Variants in RALGAPA1 observed in about 807,000 individuals in gnomAD.
RALGAPA1 encodes Ral GTPase activating protein catalytic subunit alpha 1.
A neutral mutation model predicts 269.6 loss-of-function variants in RALGAPA1; 52 were observed. The ratio of observed to expected loss-of-function variants is 0.19; its 90% CI spans 0.15 to 0.24. The LOEUF is 0.24. Among genes scored for constraint, RALGAPA1 ranks in the 10% least tolerant of loss-of-function variants. The probability of loss-of-function intolerance (pLI) is 1.00; values close to 1 mark genes in which losing one functional copy is unlikely to be tolerated. For missense variants in RALGAPA1, 1,917 were observed against 3,013.9 expected (o/e 0.64, Z 8.52); for synonymous variants, 817 against 1,008.3 (o/e 0.81, Z 3.60).
In RALGAPA1 at chr14:35,750,632, G is replaced by A. The variant is rs949882766; in HGVS notation, c.861C>T (p.Thr287=). ...HYVVIKKDAE[T]NEAIYCTKEP... is the part of the protein sequence containing the mutation. Reference sequence around the variant, plus strand: ...CCTTTGTACAATAGATTGCTTCATTGGTTTCAGCATCTTTCTTTATCACGA... The same window carrying A: ...CCTTTGTACAATAGATTGCTTCATTAGTTTCAGCATCTTTCTTTATCACGA... Residue 287 remains threonine (T), a synonymous_variant, in exon 9 of 42, where the codon ACC becomes ACT. Coordinates refer to ENST00000680220, the MANE Select transcript of RALGAPA1 (RefSeq NM_001346249.2). 5.0e-6 allele frequency: 8 copies of A among 1,613,136 alleles called. No homozygotes were observed. Among genetic ancestry groups the A allele is most frequent in the Non-Finnish European group, 6.8e-6 (8 of 1,179,530 alleles).
At chr14:35,586,358 A>G (rs1024058808) in intron 37 of RALGAPA1, among the ~76,000 whole-genome samples, 2 of 152,176 alleles carry the variant, frequency 1.3e-5, no homozygotes, top group African/African-American at 4.8e-5. Context: ...GGCTGAGACA[A>G]TGGGGTTTTC....
chr14:35,719,956 G>A (rs2069231779), intron 16 of RALGAPA1, among the ~76,000 whole-genome samples: 1 of 152,130 alleles, frequency 6.6e-6, no homozygotes, highest in Admixed American at 6.5e-5. Flanking sequence ...GTTTCAGCAT[G>A]TTGGTCAGGC....
rs2060122590 is a variant in RALGAPA1, at chr14:35,614,314, T to C, written c.6930-8605A>G. Among the ~76,000 whole-genome samples, 3 of 152,274 alleles carry C rather than the reference T, an allele frequency of 2.0e-5. No homozygotes were observed. The South Asian group carries it at 6.2e-4, about 32-fold the overall frequency. On this transcript the variant is annotated intron_variant, in intron 35 of 41. Coordinates refer to ENST00000680220, the MANE Select transcript of RALGAPA1 (RefSeq NM_001346249.2). ...ATATTCGCCCAAAAGTGAAACCAAC[T>C]GAAATGTCCATCGACTGATGAATGG...
intron 27 of RALGAPA1, among the ~76,000 whole-genome samples, chr14:35,663,466 G>A (rs1239132174): frequency 2.6e-5 from 4 of 151,444 alleles, no homozygotes; most frequent in Non-Finnish European, 5.9e-5. Flanking sequence ...TAGCCCCTGA[G>A]GAGCTATGTC....
At chr14:35,777,144 G>A (rs761760941) in intron 1 of RALGAPA1, among the ~76,000 whole-genome samples, 1 of 152,054 alleles carries the variant, frequency 6.6e-6, no homozygotes, top group Non-Finnish European at 1.5e-5. Context: ...GAAATTAATT[G>A]TAATAATATA....
chr14:35,726,698 GAAAAAAATTCT>G (rs1392788638), intron 13 of RALGAPA1, among the ~76,000 whole-genome samples: 1 of 151,822 alleles, frequency 6.6e-6, no homozygotes, highest in African/African-American at 2.4e-5. Flanking sequence ...TAAAAATTAA[GAAAAAAATTCT>G]AAAATTGTTT....
Position 35,756,862 on chromosome 14 carries a change from T to C in RALGAPA1, c.594A>G (p.Ser198=). 6.2e-7 allele frequency: 1 copy of C among 1,611,584 alleles called. No homozygotes were observed. The highest frequency in any genetic ancestry group is 2.2e-5 in the East Asian group (1 of 44,756). Residue 198 remains serine (S), a synonymous_variant, in exon 7 of 42, where the codon TCA becomes TCG. Coordinates refer to ENST00000680220, the MANE Select transcript of RALGAPA1 (RefSeq NM_001346249.2). ...TGAGATCTTCTTGCCCTTTATCTCCTGATTGTGGGGGGACAAGAGGAGTGA... is the reference window on the plus strand; with the variant it reads ...TGAGATCTTCTTGCCCTTTATCTCCCGATTGTGGGGGGACAAGAGGAGTGA... The part of the protein sequence containing the change: ...EEITPLVPPQ[S]GDKGQEDLTS...
intron 7 of RALGAPA1, among the ~76,000 whole-genome samples, chr14:35,754,077 T>C (rs886570663): frequency 6.6e-6 from 1 of 152,166 alleles, no homozygotes; most frequent in Non-Finnish European, 1.5e-5. Context: ...AAAGTCAACA[T>C]TGCTCATACA....
chr14:35,726,979 G>A (rs1351016824), intron 13 of RALGAPA1, among the ~76,000 whole-genome samples: 1 of 152,050 alleles, frequency 6.6e-6, no homozygotes, highest in African/African-American at 2.4e-5. Context: ...TGTGTAAAGT[G>A]CTTAGAAAGC....
chr14:35,766,272 G>A (rs1828754041), intron 4 of RALGAPA1: 3 of 825,468 alleles, frequency 3.6e-6, no homozygotes, highest in East Asian at 4.9e-5. Flanking sequence ...TGTCTTGGGT[G>A]TACTGGCTGA....
At chr14:35,623,377 A>G (rs914386700) in intron 35 of RALGAPA1, among the ~76,000 whole-genome samples, 9 of 152,056 alleles carry the variant, frequency 5.9e-5, no homozygotes, top group African/African-American at 2.2e-4. Context: ...ACACACACGG[A>G]GAGTTCTTAC....
Position 35,689,289 on chromosome 14 carries a change from T to G in RALGAPA1, c.3122A>C (p.Asn1041Thr). The G allele has an allele frequency of 8.1e-7, 1 of 1,232,334 alleles. No individual in the cohort carries two copies. The highest frequency in any genetic ancestry group is 1.0e-6 in the Non-Finnish European group (1 of 988,104). 76.3% of individuals were successfully genotyped at this position (1,232,334 alleles called of 1,614,324 possible). A position where few individuals can be genotyped will look rare whatever the true frequency, so the allele number is the denominator to read the frequency against. The change falls in exon 18 of 42, where the codon AAC becomes ACC. Residue 1041 changes from asparagine (N) to threonine (T), a missense_variant. Asn to Thr is a moderately conservative substitution (Grantham distance 65). This residue lies in a region of RALGAPA1 where 615 missense variants were observed against 790.0 expected (regional missense o/e 0.78). Coordinates refer to ENST00000680220, the MANE Select transcript of RALGAPA1 (RefSeq NM_001346249.2). Reference sequence around the variant, plus strand: ...AGGCTCTGATGGCTGTTTATCAGTGTTTAGTTGCTTAGATTTTTCAGAAGT... The same window carrying G: ...AGGCTCTGATGGCTGTTTATCAGTGGTTAGTTGCTTAGATTTTTCAGAAGT... The part of the protein sequence containing the change: ...TQTSEKSKQL[N>T]TDKQPSEPSL...
At chr14:35,545,455 T>C (rs980828535) in intron 41 of RALGAPA1, among the ~76,000 whole-genome samples, 1 of 152,050 alleles carries the variant, frequency 6.6e-6, no homozygotes, top group African/African-American at 2.4e-5. Flanking sequence ...AAAATTATAT[T>C]TGAATTTTAT....
intron 1 of RALGAPA1, among the ~76,000 whole-genome samples, chr14:35,790,269 C>CA (rs1005297935): frequency 9.4e-5 from 14 of 148,710 alleles, no homozygotes; most frequent in South Asian, 6.4e-4. Context: ...AAACAAAAAA[C>CA]AAAAAAAAAG....
intron 37 of RALGAPA1, among the ~76,000 whole-genome samples, chr14:35,594,286 TA>T (rs2058803678): frequency 1.3e-5 from 2 of 151,946 alleles, no homozygotes; most frequent in South Asian, 4.1e-4. Flanking sequence ...TACATAAAAC[TA>T]AAAAGCTTCT....
rs2141494798 is a variant in RALGAPA1 at position 35,770,926 on chromosome 14, T to C, written c.325+16A>G. 4.4e-6 allele frequency: 5 copies of C among 1,124,870 alleles called. No homozygotes were observed. Among genetic ancestry groups the C allele is most frequent in the Middle Eastern group, 2.2e-4 (1 of 4,532 alleles). 69.7% of individuals were successfully genotyped at this position (1,124,870 alleles called of 1,614,324 possible). On this transcript the variant is annotated intron_variant, in intron 4 of 41. Transcript: ENST00000680220. ...TCCTTTGTTTCAAATATGAAATACA[T>C]ATTTGAATTACTTACCAATACTATG... is the stretch of plus-strand genomic sequence containing the variant.
chr14:35,775,607 T>C (rs1373445060), intron 2 of RALGAPA1, 28 bp downstream of exon 2: 6 of 1,549,236 alleles, frequency 3.9e-6, no homozygotes, highest in Non-Finnish European at 5.2e-6. Flanking sequence ...AATATTAACA[T>C]ACGCCAAGAT....
intron 16 of RALGAPA1, chr14:35,706,542 G>A (rs2067825049): frequency 6.6e-6 from 1 of 151,332 alleles, no homozygotes; most frequent in Non-Finnish European, 1.5e-5. Flanking sequence ...TTTGAAGTCA[G>A]GTTCTGTCCC....
At chr14:35,549,323 A>G (rs1051522833) in intron 39 of RALGAPA1, 89 bp from the exon 40 acceptor site, 1 of 1,304,734 alleles carries the variant, frequency 7.7e-7, no homozygotes, top group African/African-American at 1.5e-5. Flanking sequence ...TTGCTAAGCC[A>G]TTACTTCTTA....
Sources: gnomAD v4.1 joint callset for allele counts (sites outside exome capture counted in the v4.1 genomes callset) on GRCh38, gnomAD v4.1.1 for gene constraint, gnomAD v4.1.1 regional missense constraint, MANE v1.5 for transcripts, NCBI Gene and HGNC (gene_info 2026-07-23, HGNC 2026-07-21) for gene names.